The following CUL2 variants were observed in gnomAD, a reference collection of about 807,000 sequenced individuals.
CUL2 encodes the protein cullin 2, also known as cullin-2.
In CUL2, 22 loss-of-function variants were observed where a neutral mutation model predicts 110.2. The ratio of observed to expected loss-of-function variants is 0.20; its 90% confidence interval spans 0.14 to 0.28. The LOEUF (loss-of-function observed/expected upper bound fraction) is 0.28, where lower values mean the gene tolerates loss of function less well. CUL2 is among the 10% of genes least tolerant of loss of function. The probability of loss-of-function intolerance (pLI) is 1.00; values close to 1 mark genes in which losing one functional copy is unlikely to be tolerated. For synonymous variants in CUL2, 279 were observed against 293.2 expected (o/e 0.95, Z 0.49); for missense variants, 631 against 905.5 (o/e 0.70, Z 3.89).
chr10:35,118,154 A>G (rs1256702933), intron 1 of CUL2: 1 of 152,246 alleles, frequency 6.6e-6, no homozygotes, highest in East Asian at 1.9e-4. Context: ...CATGCAGAAT[A>G]GTTTCACTGC....
intron 5 of CUL2, among the ~76,000 whole-genome samples, chr10:35,050,155 T>C (rs550638928): frequency 1.3e-5 from 2 of 152,114 alleles, no homozygotes; most frequent in Admixed American, 1.3e-4. Flanking sequence ...ACCCTGTCTC[T>C]ACTAAAAATA....
chr10:35,120,386 T>C (rs2087663601), intron 1 of CUL2: 1 of 151,534 alleles, frequency 6.6e-6, no homozygotes, highest in Admixed American at 6.6e-5. Context: ...AATAAATAAA[T>C]AACATAAAAT....
intron 1 of CUL2, among the ~76,000 whole-genome samples, chr10:35,117,465 A>G (rs2087623219): frequency 6.6e-6 from 1 of 151,532 alleles, no homozygotes; most frequent in African/African-American, 2.4e-5. Flanking sequence ...CCTGAGCTCA[A>G]GCAATTCTCC....
intron 14 of CUL2, among the ~76,000 whole-genome samples, chr10:35,029,871 G>T (rs2085437708): frequency 6.6e-6 from 1 of 151,984 alleles, no homozygotes; most frequent in African/African-American, 2.4e-5. Context: ...ACCTATCTAG[G>T]AACAATAAAT....
At chr10:35,106,641 T>C (rs553289929) in intron 1 of CUL2, among the ~76,000 whole-genome samples, 1 of 152,052 alleles carries the variant, frequency 6.6e-6, no homozygotes, top group African/African-American at 2.4e-5. Flanking sequence ...CAAATGTTTG[T>C]TGTTTATAAG....
intron 1 of CUL2, among the ~76,000 whole-genome samples, chr10:35,074,633 C>T (rs1347794453): frequency 6.6e-6 from 1 of 152,118 alleles, no homozygotes; most frequent in Non-Finnish European, 1.5e-5. Context: ...GGATTACAGG[C>T]GTGAGCCATC....
At chr10:35,019,767 G>A (rs2085137656) in intron 17 of CUL2, among the ~76,000 whole-genome samples, 1 of 152,082 alleles carries the variant, frequency 6.6e-6, no homozygotes, top group Admixed American at 6.6e-5. Context: ...ACTCTCTCAG[G>A]GCAAGTTGAA....
chr10:35,086,408 C>G (rs892473260), intron 1 of CUL2, among the ~76,000 whole-genome samples: 7 of 152,208 alleles, frequency 4.6e-5, no homozygotes, highest in African/African-American at 1.7e-4. Flanking sequence ...TCACCTCAAC[C>G]TCCCTAGCAG....
At chr10:35,017,522 T>C (rs1394232542) in intron 17 of CUL2, among the ~76,000 whole-genome samples, 3 of 151,930 alleles carry the variant, frequency 2.0e-5, no homozygotes, top group Non-Finnish European at 1.5e-5. Flanking sequence ...GGCGAAACCT[T>C]GTCTCTACTA....
At chr10:35,106,301 TTTG>T (rs540470911) in intron 1 of CUL2, among the ~76,000 whole-genome samples, 97 of 148,410 alleles carry the variant, frequency 6.5e-4, no homozygotes, top group African/African-American at 2.3e-3. Flanking sequence ...AAATGTGTTT[TTTG>T]TTTTTTTTTT....
chr10:35,031,503 G>A lies in CUL2; in HGVS notation c.1287C>T (p.Asp429=), dbSNP rs775993310. 88 of 1,613,704 alleles carry A rather than the reference G, an allele frequency of 5.5e-5. No homozygotes were observed. Among genetic ancestry groups the A allele is most frequent in the Non-Finnish European group, 7.0e-5 (83 of 1,179,848 alleles). Residue 429 remains aspartate, a synonymous_variant, in exon 13 of 21, where the codon GAC becomes GAT. Transcript: ENST00000374749. This position sits in a 1 kb window ranked among gnomAD's most constrained non-coding sequence, Gnocchi z 4.4. Reference sequence around the variant, plus strand: ...GTTCACAACATACCTTTTGAAAGACGTCCTTGTCATCAATGTATTTGAACA... The same window carrying A: ...GTTCACAACATACCTTTTGAAAGACATCCTTGTCATCAATGTATTTGAACA... The part of the protein sequence containing the change: ...ITVFKYIDDK[D]VFQKFYARML...
At chr10:35,036,890 C>T (rs544443584) in intron 9 of CUL2, among the ~76,000 whole-genome samples, 8 of 152,172 alleles carry the variant, frequency 5.3e-5, no homozygotes, top group African/African-American at 1.7e-4. Context: ...CACACCACCC[C>T]GCCTGGCTAA....
At chr10:35,106,716 A>G (rs1245605734) in intron 1 of CUL2, among the ~76,000 whole-genome samples, 1 of 152,040 alleles carries the variant, frequency 6.6e-6, no homozygotes, top group African/African-American at 2.4e-5. Context: ...TGATGTTATT[A>G]TAACTCCTGT....
chr10:35,071,953 A>C (rs2134992673), intron 1 of CUL2, among the ~76,000 whole-genome samples: 1 of 152,276 alleles, frequency 6.6e-6, no homozygotes, highest in South Asian at 2.1e-4. Context: ...GAGGGAAAGA[A>C]ACGGGGACCC....
At chr10:35,069,130 C>T (rs2086614624) in intron 2 of CUL2, among the ~76,000 whole-genome samples, 1 of 152,120 alleles carries the variant, frequency 6.6e-6, no homozygotes. Flanking sequence ...GCCTATCAAA[C>T]TGCTTGAATT....
intron 1 of CUL2, 31 bp from the exon 2 acceptor site, chr10:35,071,370 C>T (rs1390292325): frequency 1.9e-6 from 3 of 1,571,462 alleles, no homozygotes; most frequent in African/African-American, 2.7e-5. Flanking sequence ...ACAATGTTAG[C>T]AATAATTCCA....
At chr10:35,045,552 A>AG (rs1211623583) in intron 6 of CUL2, among the ~76,000 whole-genome samples, 1 of 151,058 alleles carries the variant, frequency 6.6e-6, no homozygotes, top group Non-Finnish European at 1.5e-5. Context: ...ATACAAAAAA[A>AG]AAAAAAAAAC....
At chr10:35,042,795 T>C (rs1490742534) in intron 8 of CUL2, among the ~76,000 whole-genome samples, 1 of 152,172 alleles carries the variant, frequency 6.6e-6, no homozygotes, top group Non-Finnish European at 1.5e-5. Flanking sequence ...TGAGCTGCTC[T>C]AGCAAATTAA....
chr10:35,098,005 C>A (rs1023032663), intron 2 of CUL2: 2 of 151,906 alleles, frequency 1.3e-5, no homozygotes, highest in African/African-American at 4.8e-5. Context: ...AATAAAAGAA[C>A]AAAAGTACAA....
Sources: gnomAD v4.1 joint callset for allele counts (sites outside exome capture counted in the v4.1 genomes callset) on GRCh38, gnomAD v4.1.1 for gene constraint, Gnocchi (gnomAD v3.1) non-coding constraint, MANE v1.5 for transcripts, NCBI Gene and HGNC (gene_info 2026-07-23, HGNC 2026-07-21) for gene names.